PBX1: variants seen among roughly 807,000 people sequenced by gnomAD.
PBX1 encodes the protein PBX homeobox 1.
A neutral mutation model predicts 53.4 loss-of-function variants in PBX1; 6 were observed. The ratio of observed to expected loss-of-function variants is 0.11; its 90% CI spans 0.06 to 0.22. The LOEUF is 0.22. Ranked by LOEUF, PBX1 falls within the 10% of genes least tolerant of loss-of-function variation. The probability of loss-of-function intolerance (pLI) is 1.00; values close to 1 mark genes in which losing one functional copy is unlikely to be tolerated. For missense variants in PBX1, 251 were observed against 551.4 expected (o/e 0.46, Z 5.46); for synonymous variants, 204 against 212.3 (o/e 0.96, Z 0.34).
At chr1:164,733,589 A>G (rs185275171) in intron 2 of PBX1, among the ~76,000 whole-genome samples, 1 of 152,308 alleles carries the variant, frequency 6.6e-6, no homozygotes, top group Non-Finnish European at 1.5e-5. Context: ...AATACTGGGT[A>G]TACTATGTAG....
intron 2 of PBX1, among the ~76,000 whole-genome samples, chr1:164,640,650 A>G (rs1180751562): frequency 7.0e-6 from 1 of 143,276 alleles, no homozygotes; most frequent in Admixed American, 7.5e-5. Flanking sequence ...TCTGCCTCCC[A>G]GGGTCAAACA....
chr1:164,631,059 G>C (rs1658382809), intron 2 of PBX1: 1 of 152,162 alleles, frequency 6.6e-6, no homozygotes, highest in African/African-American at 2.4e-5. Context: ...TGGGAGAATG[G>C]GAGGAGTAAT....
chr1:164,756,663 G>C (rs539229007), intron 2 of PBX1, among the ~76,000 whole-genome samples: 1 of 152,282 alleles, frequency 6.6e-6, no homozygotes, highest in Non-Finnish European at 1.5e-5. Flanking sequence ...GAGGAAAACT[G>C]ATTTGAGAAT....
chr1:164,658,476 A>G (rs1030977743), intron 2 of PBX1, among the ~76,000 whole-genome samples: 1 of 152,224 alleles, frequency 6.6e-6, no homozygotes, highest in African/African-American at 2.4e-5. Context: ...ATTAATACAG[A>G]TAATGGCTGT....
At chr1:164,712,452 T>C (rs1663851645) in intron 2 of PBX1, among the ~76,000 whole-genome samples, 1 of 152,174 alleles carries the variant, frequency 6.6e-6, no homozygotes, top group African/African-American at 2.4e-5. Context: ...GCCTTATCGC[T>C]CGGGAGAGAT....
chr1:164,559,527 A>G lies in PBX1; in HGVS notation c.-296A>G, dbSNP rs1410793409. On this transcript the variant is annotated 5_prime_UTR_variant, in exon 1 of 9. Coordinates refer to ENST00000420696, the MANE Select transcript of PBX1 (RefSeq NM_002585.4). ...CTCTGATTTCTTTTCGCCAAGTGGG[A>G]AGGTGGTTTATTTTTCTTGCTTTTT... 4 of 347,226 alleles carry G rather than the reference A, an allele frequency of 1.2e-5. No homozygotes were observed. Among genetic ancestry groups the G allele is most frequent in the Admixed American group, 4.6e-5 (1 of 21,620 alleles). The allele number at this position is 347,226 out of a possible 1,614,324, so 21.5% of individuals were successfully genotyped here.
At chr1:164,717,200 T>C (rs967864786) in intron 2 of PBX1, among the ~76,000 whole-genome samples, 1 of 152,210 alleles carries the variant, frequency 6.6e-6, no homozygotes, top group Non-Finnish European at 1.5e-5. Context: ...GGGTGACTAA[T>C]ATGTTCATAG....
intron 8 of PBX1, among the ~76,000 whole-genome samples, chr1:164,842,195 G>A (rs1287374938): frequency 2.0e-5 from 3 of 152,228 alleles, no homozygotes; most frequent in African/African-American, 4.8e-5. Context: ...TGTGGTCCCC[G>A]TTCTGGTTCA....
downstream of PBX1, among the ~76,000 whole-genome samples, chr1:164,856,307 C>G (rs1671974092): frequency 6.6e-6 from 1 of 152,026 alleles, no homozygotes; most frequent in Non-Finnish European, 1.5e-5. Context: ...CCTGATGTTT[C>G]TCTCCTATTG....
intron 2 of PBX1, among the ~76,000 whole-genome samples, chr1:164,691,038 A>G (rs1397988422): frequency 7.6e-6 from 1 of 131,082 alleles, no homozygotes; most frequent in Non-Finnish European, 1.6e-5. Context: ...TTTTTGTGAC[A>G]GAGTCTCCCT....
chr1:164,877,924 G>A (rs1571554255), intron 2 of PBX1, among the ~76,000 whole-genome samples: 1 of 152,192 alleles, frequency 6.6e-6, no homozygotes, highest in African/African-American at 2.4e-5. Flanking sequence ...CCACTGATGG[G>A]TTTTCTCTCA....
At chr1:164,800,271 T>C (rs1469742679) in intron 4 of PBX1, among the ~76,000 whole-genome samples, 4 of 152,170 alleles carry the variant, frequency 2.6e-5, no homozygotes, top group Non-Finnish European at 5.9e-5. Flanking sequence ...TTCCATTTGC[T>C]TGGAAATTGG....
At chr1:164,745,470 A>G (rs2102178241) in intron 2 of PBX1, among the ~76,000 whole-genome samples, 1 of 152,342 alleles carries the variant, frequency 6.6e-6, no homozygotes, top group African/African-American at 2.4e-5. Context: ...GCATGTTGGA[A>G]AGTGCTCAGA....
chr1:164,786,720 T>TGTGTGC lies in PBX1; in HGVS notation c.266-5773_266-5772insTGTGCG, dbSNP rs1357886882. Among the ~76,000 whole-genome samples the TGTGTGC allele has an allele frequency of 7.7e-5, 9 of 116,296 alleles. 1 individual carries two copies. Among genetic ancestry groups the TGTGTGC allele is most frequent in the East Asian group, 5.3e-4 (2 of 3,790 alleles). 76.3% of individuals were successfully genotyped at this position (116,296 alleles called of 152,430 possible). On this transcript the variant is annotated intron_variant, in intron 2 of 8. Transcript: ENST00000420696. ...GTGTGTGTGTGTGTGTGTGTGTGTG[T>TGTGTGC]GCGCGCGCACACACACACACGCACA...
At chr1:164,666,673 T>C (rs1282999878) in intron 2 of PBX1, among the ~76,000 whole-genome samples, 2 of 152,146 alleles carry the variant, frequency 1.3e-5, no homozygotes, top group Non-Finnish European at 2.9e-5. Flanking sequence ...GGAGAGGTGC[T>C]GAAGCAAATG....
intron 2 of PBX1, among the ~76,000 whole-genome samples, chr1:164,742,540 T>A (rs1279344645): frequency 6.6e-6 from 1 of 151,998 alleles, no homozygotes; most frequent in Non-Finnish European, 1.5e-5. Flanking sequence ...AGACTCTGTC[T>A]CAAAAAAAAG....
At chr1:164,799,334 C>T (rs541102691) in intron 3 of PBX1, among the ~76,000 whole-genome samples, 9 of 151,822 alleles carry the variant, frequency 5.9e-5, no homozygotes, top group East Asian at 2.0e-4. Flanking sequence ...ACTAAAATTA[C>T]AAAAAAATTA....
intron 2 of PBX1, among the ~76,000 whole-genome samples, chr1:164,591,165 C>T (rs1174570974): frequency 6.6e-6 from 1 of 152,130 alleles, no homozygotes; most frequent in African/African-American, 2.4e-5. Context: ...GCATGTGTCA[C>T]CATGCCCAGC....
chr1:164,758,500 A>G (rs767820689), intron 2 of PBX1, among the ~76,000 whole-genome samples: 16 of 152,012 alleles, frequency 1.1e-4, no homozygotes, highest in Admixed American at 2.0e-4. Flanking sequence ...ATCCCTGCCT[A>G]ATGGTCCCCA....
Sources: gnomAD v4.1 joint callset for allele counts (sites outside exome capture counted in the v4.1 genomes callset) on GRCh38, gnomAD v4.1.1 for gene constraint, MANE v1.5 for transcripts, NCBI Gene and HGNC (gene_info 2026-07-23, HGNC 2026-07-21) for gene names.